The following ZEB1 variants were observed in gnomAD, a reference collection of about 807,000 sequenced individuals.
ZEB1 encodes zinc finger E-box-binding homeobox 1.
ZEB1 carries 21 observed loss-of-function variants against 84.9 expected under a neutral mutation model. The observed-to-expected ratio is 0.25, with a 90% CI of 0.18 to 0.36. The LOEUF is 0.36. Among genes scored for constraint, ZEB1 ranks in the 10% least tolerant of loss-of-function variants. ZEB1 has a pLI of 1.00. For missense variants in ZEB1, 1,104 were observed against 1,330.2 expected (o/e 0.83, Z 2.65); for synonymous variants, 420 against 471.1 (o/e 0.89, Z 1.41).
chr10:31,484,404 G>GT (rs1307527975), intron 2 of ZEB1, among the ~76,000 whole-genome samples: 4 of 151,920 alleles, frequency 2.6e-5, no homozygotes, highest in African/African-American at 9.7e-5. Flanking sequence ...TCTAAATTGT[G>GT]TTTTATATAT....
At chr10:31,326,738 C>T (rs1250772018) in intron 1 of ZEB1, among the ~76,000 whole-genome samples, 1 of 152,160 alleles carries the variant, frequency 6.6e-6, no homozygotes, top group Non-Finnish European at 1.5e-5. Flanking sequence ...ATTTATTATA[C>T]TTAAAACCAA....
At chr10:31,346,955 A>T (rs1437392691) in intron 1 of ZEB1, among the ~76,000 whole-genome samples, 1 of 152,156 alleles carries the variant, frequency 6.6e-6, no homozygotes, top group Non-Finnish European at 1.5e-5. Flanking sequence ...AGCTTTGATA[A>T]GTGAGATGTG....
intron 1 of ZEB1, among the ~76,000 whole-genome samples, chr10:31,353,170 TAC>T (rs1294585428): frequency 6.6e-6 from 1 of 152,222 alleles, no homozygotes; most frequent in Non-Finnish European, 1.5e-5. Flanking sequence ...AATTTGGAAG[TAC>T]ACAGCGTAGT....
intron 1 of ZEB1, chr10:31,360,938 G>A (rs1202935607): frequency 1.9e-6 from 3 of 1,589,652 alleles, no homozygotes; most frequent in African/African-American, 2.7e-5. Context: ...TTGCATGTCT[G>A]GAGGAAGCAG....
At chr10:31,443,890 T>C (rs2059395073) in intron 1 of ZEB1, among the ~76,000 whole-genome samples, 2 of 151,312 alleles carry the variant, frequency 1.3e-5, no homozygotes, top group Non-Finnish European at 2.9e-5. Flanking sequence ...CATGTGTCTT[T>C]ATAGCAGCAT....
chr10:31,467,457 A>G (rs1283018281), intron 2 of ZEB1, among the ~76,000 whole-genome samples: 1 of 152,178 alleles, frequency 6.6e-6, no homozygotes, highest in Non-Finnish European at 1.5e-5. Flanking sequence ...GACTGAGGTG[A>G]ATCTAAACCA....
intron 6 of ZEB1, among the ~76,000 whole-genome samples, chr10:31,516,294 T>C (rs2071083578): frequency 6.6e-6 from 1 of 152,014 alleles, no homozygotes; most frequent in Admixed American, 6.6e-5. Flanking sequence ...TCATTATGTA[T>C]GTACTTATTT....
chr10:31,523,815 A>T (rs2072866186), intron 7 of ZEB1, 118 bp from the exon 8 acceptor site: 2 of 1,205,332 alleles, frequency 1.7e-6, no homozygotes, highest in Admixed American at 4.1e-5. Flanking sequence ...TGCTTTGGTC[A>T]AGTCCTTGAA....
Position 31,495,847 on chromosome 10 carries a change from C to T in ZEB1, c.322+9C>T, listed in dbSNP as rs2067146699. On this transcript the variant is annotated intron_variant, in intron 3 of 8. Coordinates refer to ENST00000424869, the MANE Select transcript of ZEB1 (RefSeq NM_001174096.2). ...TGAAGCAGGATGTACAGGTACTCTG[C>T]TGCGACTTTCTTTCATACCATAGCC... 1.6e-5 allele frequency: 25 copies of T among 1,612,808 alleles called. No homozygotes were observed. The highest frequency in any genetic ancestry group is 2.0e-5 in the Non-Finnish European group (24 of 1,179,012).
chr10:31,497,407 C>G (rs796386677), intron 3 of ZEB1, among the ~76,000 whole-genome samples: 32 of 152,238 alleles, frequency 2.1e-4, no homozygotes, highest in African/African-American at 7.2e-4. Flanking sequence ...GGGTAACCTT[C>G]TCAAATTTGT....
chr10:31,500,577 G>C (rs1386504523), intron 3 of ZEB1, among the ~76,000 whole-genome samples: 5 of 152,156 alleles, frequency 3.3e-5, no homozygotes, highest in South Asian at 2.1e-4. Context: ...AGTAAAGAAG[G>C]CTTTCCCTAA....
chr10:31,358,396 AT>A (rs1489703937), intron 1 of ZEB1: 2 of 152,182 alleles, frequency 1.3e-5, no homozygotes, highest in Non-Finnish European at 2.9e-5. Context: ...AAGCACCCTC[AT>A]TAGCAGAGCT....
intron 3 of ZEB1, among the ~76,000 whole-genome samples, chr10:31,498,190 GA>G (rs963193842): frequency 1.8e-4 from 27 of 152,000 alleles, no homozygotes; most frequent in African/African-American, 5.6e-4. Flanking sequence ...ACCTTTTCAA[GA>G]TGTGCATTTC....
At chr10:31,453,662 A>G (rs1441042117) in intron 1 of ZEB1, among the ~76,000 whole-genome samples, 1 of 152,184 alleles carries the variant, frequency 6.6e-6, no homozygotes, top group East Asian at 1.9e-4. Flanking sequence ...TCTGGAAGAA[A>G]TGGATAAATT....
At chr10:31,377,734 C>T (rs901580714) in intron 1 of ZEB1, among the ~76,000 whole-genome samples, 2 of 151,688 alleles carry the variant, frequency 1.3e-5, no homozygotes, top group African/African-American at 2.4e-5. Context: ...CATGAAATTC[C>T]TTTAGTGTGC....
At chr10:31,365,160 G>T (rs1398922357) in intron 1 of ZEB1, among the ~76,000 whole-genome samples, 2 of 152,206 alleles carry the variant, frequency 1.3e-5, no homozygotes, top group African/African-American at 4.8e-5. Context: ...AGTTTCTCTG[G>T]TCTTCCTGGA....
At chr10:31,335,112 C>T (rs2037719596) in intron 1 of ZEB1, among the ~76,000 whole-genome samples, 2 of 152,066 alleles carry the variant, frequency 1.3e-5, no homozygotes, top group African/African-American at 2.4e-5. Flanking sequence ...GTAGTACCCC[C>T]TTATCCATCT....
rs1246616882 is a variant in ZEB1 at position 31,520,080 on chromosome 10, A to G, written c.794-46A>G. ...GGGAAATGAGGATACATAAAAATTT[A>G]TATGTAATAATTCAGTGAATATAAT... On this transcript the variant is annotated intron_variant, in intron 6 of 8. Transcript: ENST00000424869. The surrounding 1 kb of genome is among the most constrained non-coding windows in gnomAD (Gnocchi z 5.1). 5 of 1,596,072 alleles carry G rather than the reference A, an allele frequency of 3.1e-6. No homozygotes were observed. Among genetic ancestry groups the G allele is most frequent in the Non-Finnish European group, 4.3e-6 (5 of 1,172,128 alleles).
intron 1 of ZEB1, among the ~76,000 whole-genome samples, chr10:31,451,852 A>T (rs1242006830): frequency 6.6e-6 from 1 of 152,204 alleles, no homozygotes; most frequent in Non-Finnish European, 1.5e-5. Flanking sequence ...GAAAGGCCAG[A>T]ACAAGAACTG....
Sources: allele counts gnomAD v4.1 joint callset (sites outside exome capture counted in the v4.1 genomes callset), GRCh38; gene constraint gnomAD v4.1.1; non-coding constraint Gnocchi (gnomAD v3.1); transcripts MANE v1.5; gene names NCBI Gene and HGNC (gene_info 2026-07-23, HGNC 2026-07-21).